Variants in TEX9 observed in about 807,000 individuals in gnomAD.
TEX9 encodes the protein testis expressed 9, also known as testis-expressed protein 9.
A neutral mutation model predicts 59.6 loss-of-function variants in TEX9; 74 were observed. The observed-to-expected ratio is 1.24, with a 90% CI of 1.03 to 1.51. TEX9 has a LOEUF of 1.51. Among genes scored for constraint, TEX9 ranks in the 40% most tolerant of loss-of-function variants. The pLI is 0.00. For missense variants in TEX9, 522 were observed against 447.8 expected (o/e 1.17, Z -1.49); for synonymous variants, 186 against 152.2 (o/e 1.22, Z -1.64).
At position 56,276,511 on chromosome 15, in the gene TEX9, T is replaced by C. The variant is rs564867078; in HGVS notation, c.-107+32233T>C. ...TGTCCCTGCAAAGGACATGAACCCA[T>C]TCTTTTTTATGGTTGAATAGTATTC... On this transcript the variant is annotated intron_variant, in intron 1 of 5. Coordinates refer to the TEX9 transcript ENST00000560827. Among the ~76,000 whole-genome samples the C allele has an allele frequency of 1.1e-4, 17 of 152,290 alleles. No homozygotes were observed. The South Asian group carries it at 3.3e-3, about 30-fold the overall frequency.
intron 9 of TEX9, among the ~76,000 whole-genome samples, chr15:56,403,293 G>T (rs896876342): frequency 6.6e-6 from 1 of 152,180 alleles, no homozygotes; most frequent in Non-Finnish European, 1.5e-5. Flanking sequence ...GAAGTCTCAG[G>T]ATACAAAATC....
At chr15:56,442,921 A>AAG (rs1192706055) in intron 12 of TEX9, among the ~76,000 whole-genome samples, 3 of 152,256 alleles carry the variant, frequency 2.0e-5, no homozygotes, top group African/African-American at 7.2e-5. Flanking sequence ...AAAAAAAAAA[A>AAG]AATCTTGAAC....
At chr15:56,303,360 G>A (rs1353675311) in intron 1 of TEX9, among the ~76,000 whole-genome samples, 11 of 152,048 alleles carry the variant, frequency 7.2e-5, no homozygotes, top group Non-Finnish European at 1.5e-4. Flanking sequence ...TCAAGTATCT[G>A]ACCACAATAG....
intron 1 of TEX9, among the ~76,000 whole-genome samples, chr15:56,327,898 A>G (rs1003425677): frequency 9.9e-5 from 15 of 152,124 alleles, no homozygotes; most frequent in Non-Finnish European, 1.9e-4. Flanking sequence ...TAAACTTGAA[A>G]GGCAGTCTAG....
At chr15:56,428,839 T>G (rs183784843) in intron 12 of TEX9, 1 of 403,338 alleles carries the variant, frequency 2.5e-6, no homozygotes. Context: ...TCAAGGTAAA[T>G]ATACTGTCTT....
At chr15:56,439,621 C>A (rs1171006300) in intron 12 of TEX9, among the ~76,000 whole-genome samples, 1 of 151,954 alleles carries the variant, frequency 6.6e-6, no homozygotes, top group Admixed American at 6.6e-5. Flanking sequence ...GTTGGAGAAA[C>A]AGCCATTTCA....
At chr15:56,349,345 T>C (rs866443165) in intron 1 of TEX9, among the ~76,000 whole-genome samples, 2 of 152,210 alleles carry the variant, frequency 1.3e-5, no homozygotes, top group African/African-American at 4.8e-5. Context: ...TATTGATCAT[T>C]AATTGAGCTG....
chr15:56,349,010 C>G (rs1326265029), intron 1 of TEX9, among the ~76,000 whole-genome samples: 1 of 151,944 alleles, frequency 6.6e-6, no homozygotes, highest in Non-Finnish European at 1.5e-5. Context: ...CACCCCTATT[C>G]TGCTGTTTGG....
chr15:56,344,734 A>C (rs1006297891), intron 1 of TEX9, among the ~76,000 whole-genome samples: 1 of 152,110 alleles, frequency 6.6e-6, no homozygotes, highest in African/African-American at 2.4e-5. Flanking sequence ...AAAAAAAATC[A>C]TTAGGAAAAC....
At chr15:56,296,424 T>A (rs1357419477) in intron 1 of TEX9, among the ~76,000 whole-genome samples, 5 of 152,346 alleles carry the variant, frequency 3.3e-5, no homozygotes, top group African/African-American at 1.2e-4. Context: ...TTCAGCATTA[T>A]TTAAAGCTAG....
intron 1 of TEX9, among the ~76,000 whole-genome samples, chr15:56,329,831 A>G (rs191358442): frequency 6.6e-6 from 1 of 152,306 alleles, no homozygotes; most frequent in African/African-American, 2.4e-5. Context: ...TCTAAGAGCT[A>G]TTAGCCTTAA....
At chr15:56,367,836 T>G (rs1392980912) in intron 2 of TEX9, among the ~76,000 whole-genome samples, 1 of 152,210 alleles carries the variant, frequency 6.6e-6, no homozygotes, top group Non-Finnish European at 1.5e-5. Flanking sequence ...TGGTTATAAA[T>G]GTAGAATTTT....
rs145215116 is a variant in TEX9 at position 56,391,308 on chromosome 15, A to G, written c.461A>G (p.Asp154Gly). Reference sequence around the variant, plus strand: ...GTTGCCATTCCAGAGGATTTCTCAGACTTTTCCCTTGCAAAAACAATTAGC... The same window carrying G: ...GTTGCCATTCCAGAGGATTTCTCAGGCTTTTCCCTTGCAAAAACAATTAGC... The change falls in exon 7 of 13, where the codon GAC (aspartate) becomes GGC (glycine). Residue 154 changes from aspartate to glycine, a missense_variant. Coordinates refer to ENST00000352903, the Ensembl canonical transcript of TEX9. 56 of 1,604,826 alleles carry G rather than the reference A, an allele frequency of 3.5e-5. No individual in the cohort carries two copies. In the African/African-American group the frequency reaches 5.1e-4, roughly 15 times the overall value.
At chr15:56,375,745 C>A (rs565693881) in intron 3 of TEX9, among the ~76,000 whole-genome samples, 2 of 152,160 alleles carry the variant, frequency 1.3e-5, no homozygotes, top group East Asian at 1.9e-4. Context: ...GACTATAAAT[C>A]ATGCTGCTAT....
At chr15:56,378,442 T>C (rs1403333218) in intron 3 of TEX9, among the ~76,000 whole-genome samples, 1 of 152,194 alleles carries the variant, frequency 6.6e-6, no homozygotes. Context: ...TGGTTCAATC[T>C]TGGTGGGTTG....
At chr15:56,395,177 G>A (rs1291675744) in intron 9 of TEX9, 2 of 265,564 alleles carry the variant, frequency 7.5e-6, no homozygotes, top group Non-Finnish European at 1.4e-5. Context: ...TCTATTTTAT[G>A]TCTCAATAAA....
chr15:56,252,227 C>G (rs1034810535), intron 1 of TEX9, among the ~76,000 whole-genome samples: 5 of 152,142 alleles, frequency 3.3e-5, no homozygotes, highest in Non-Finnish European at 7.4e-5. Context: ...TTTCTTGCAT[C>G]TACACTCCCT....
intron 3 of TEX9, among the ~76,000 whole-genome samples, chr15:56,379,240 A>G (rs1309339730): frequency 6.6e-6 from 1 of 151,962 alleles, no homozygotes; most frequent in African/African-American, 2.4e-5. Context: ...AGATCTTGGT[A>G]TGTTGTGTTT....
chr15:56,396,420 C>T (rs1424642378), intron 9 of TEX9: 6 of 152,146 alleles, frequency 3.9e-5, no homozygotes, highest in African/African-American at 1.2e-4. Context: ...ACAGTTCCAT[C>T]AGCCCCCCAA....
Sources: allele counts gnomAD v4.1 joint callset (sites outside exome capture counted in the v4.1 genomes callset), GRCh38; gene constraint gnomAD v4.1.1; transcripts MANE v1.5; gene names NCBI Gene and HGNC (gene_info 2026-07-23, HGNC 2026-07-21).